Variants in A2ML1 observed in about 807,000 individuals in gnomAD.
A2ML1 encodes the protein alpha-2-macroglobulin-like protein 1.
In A2ML1, 161 loss-of-function variants were observed where a neutral mutation model predicts 181.9. That is an observed-to-expected ratio of 0.89 (90% CI 0.78 to 1.01). The LOEUF is 1.01. Ranked by LOEUF, A2ML1 falls within the 50% of genes least tolerant of loss-of-function variation. The pLI is 0.00. For synonymous variants in A2ML1, 663 were observed against 666.8 expected (o/e 0.99, Z 0.09); for missense variants, 1,670 against 1,768.1 (o/e 0.94, Z 1.00).
intron 33 of A2ML1, among the ~76,000 whole-genome samples, chr12:8,871,839 C>T (rs1392858795): frequency 6.6e-6 from 1 of 152,052 alleles, no homozygotes; most frequent in East Asian, 1.9e-4. Flanking sequence ...CACACACACA[C>T]ACACAATTTT....
At chr12:8,844,945 C>T (rs1943615864) in intron 12 of A2ML1, 1 of 1,294,116 alleles carries the variant, frequency 7.7e-7, no homozygotes, top group Non-Finnish European at 9.9e-7. Context: ...AGTTCTGTTT[C>T]AAGTGAGAGT....
Position 8,852,217 on chromosome 12 carries a change from C to T in A2ML1, c.2471C>T (p.Thr824Ile). The T allele has an allele frequency of 6.2e-7, 1 of 1,614,122 alleles. No individual in the cohort carries two copies. Among genetic ancestry groups the T allele is most frequent in the South Asian group, 1.1e-5 (1 of 91,082 alleles). ...NYLKDCIRVQ[T>I]DLAKSHEYQL... ...CTTAAACATCCTCCGTAGGTTCAGACTGACCTGGCTAAATCGCATGAGTAC... is the reference window on the plus strand; with the variant it reads ...CTTAAACATCCTCCGTAGGTTCAGATTGACCTGGCTAAATCGCATGAGTAC... Residue 824 changes from threonine (T) to isoleucine (I), a missense_variant, in exon 20 of 36, where the codon ACT becomes ATT. By Grantham distance (89) the Thr-to-Ile change is moderately conservative. Transcript: ENST00000299698. This position sits in a 1 kb window ranked among gnomAD's most constrained non-coding sequence, Gnocchi z 4.2.
At chr12:8,883,435 G>A (rs747257232) in intron 7 of A2ML1, among the ~76,000 whole-genome samples, 92 of 152,298 alleles carry the variant, frequency 6.0e-4, no homozygotes, top group Admixed American at 5.9e-3. Flanking sequence ...CCTACAAAAA[G>A]TAACCGGAAG....
At chr12:8,848,134 C>CA (rs755571563) in intron 15 of A2ML1, among the ~76,000 whole-genome samples, 8,479 of 93,268 alleles carry the variant, frequency 0.091, 308 homozygotes, top group Non-Finnish European at 0.13. Context: ...GTCTCAAAAA[C>CA]AAAAAAAAAA....
intron 29 of A2ML1, among the ~76,000 whole-genome samples, chr12:8,866,978 T>C (rs1249082116): frequency 6.6e-6 from 1 of 152,232 alleles, no homozygotes; most frequent in Non-Finnish European, 1.5e-5. Context: ...AGTTCAAATA[T>C]CACTGTACCA....
intron 27 of A2ML1, 42 bp downstream of exon 27, chr12:8,860,997 T>C: frequency 6.2e-7 from 1 of 1,610,898 alleles, no homozygotes; most frequent in Non-Finnish European, 8.5e-7. Context: ...CTCCTTCTCA[T>C]GCGTATTCCT....
chr12:8,875,324 C>A, intron 35 of A2ML1: 1 of 234,102 alleles, frequency 4.3e-6, no homozygotes. Context: ...GTGATCTGCC[C>A]ACCTCGGCCT....
intron 3 of A2ML1, among the ~76,000 whole-genome samples, chr12:8,827,130 G>A (rs1261132894): frequency 6.6e-6 from 1 of 151,966 alleles, no homozygotes; most frequent in African/African-American, 2.4e-5. Context: ...CACCTGAGAT[G>A]AGTATTTCGA....
At position 8,868,408 on chromosome 12, in the gene A2ML1, C is replaced by T. The variant is rs752459562; in HGVS notation, c.4061+51C>T. 8 of 1,605,366 alleles carry T rather than the reference C, an allele frequency of 5.0e-6. No homozygotes were observed. In the African/African-American group the frequency reaches 1.1e-4, roughly 22 times the overall value. On this transcript the variant is annotated intron_variant, in intron 31 of 35. Transcript: ENST00000299698. ...CCGGCAGAGCACCTGGTCATAGGAGCTGAGCTGGGACACTTGTGTGTGTGT... is the reference window on the plus strand; with the variant it reads ...CCGGCAGAGCACCTGGTCATAGGAGTTGAGCTGGGACACTTGTGTGTGTGT...
chr12:8,878,728 C>G (rs1255276925), downstream of A2ML1, among the ~76,000 whole-genome samples: 1 of 152,176 alleles, frequency 6.6e-6, no homozygotes. The surrounding 1 kb of genome is among the most constrained non-coding windows in gnomAD (Gnocchi z 4.4). Context: ...CTTTGGTAGT[C>G]CAAGGTGGGT....
chr12:8,829,886 T>C (rs1943055490), intron 4 of A2ML1, 107 bp downstream of exon 4: 2 of 1,405,602 alleles, frequency 1.4e-6, no homozygotes, highest in Admixed American at 1.8e-5. Context: ...GGCGAGGCCC[T>C]CTGGGTTGGA....
Position 8,823,898 on chromosome 12 carries a change from T to G in A2ML1, c.409+16T>G, listed in dbSNP as rs1469494783. ...GGGCAGCAAGGTAAGAGTCACATAT[T>G]TGGGGTTCGACTAAAACCTGGGGAA... On this transcript the variant is annotated intron_variant, in intron 3 of 35. Transcript: ENST00000299698. 6.2e-7 allele frequency: 1 copy of G among 1,602,218 alleles called. No individual in the cohort carries two copies. Among genetic ancestry groups the G allele is most frequent in the Admixed American group, 1.7e-5 (1 of 58,694 alleles).
intron 7 of A2ML1, among the ~76,000 whole-genome samples, chr12:8,836,962 A>G (rs1809753535): frequency 6.6e-6 from 1 of 152,148 alleles, no homozygotes; most frequent in South Asian, 2.1e-4. Context: ...GGTCTACTCT[A>G]AGACTCTGAG....
In A2ML1 at chr12:8,822,621, G is replaced by C. The variant is rs759408292; in HGVS notation, c.-31G>C. The C allele has an allele frequency of 6.2e-7, 1 of 1,609,724 alleles. No individual in the cohort carries two copies. The highest frequency in any genetic ancestry group is 8.5e-7 in the Non-Finnish European group (1 of 1,176,132). ...GCTACGCGGAGCGATCTCTGCCCCT[G>C]ACCCTGGAAAAATCTGTCTCACCCA... is the stretch of plus-strand genomic sequence containing the variant. On this transcript the variant is annotated 5_prime_UTR_variant, in exon 1 of 36. Coordinates refer to ENST00000299698, the MANE Select transcript of A2ML1 (RefSeq NM_144670.6).
chr12:8,874,325 A>G, intron 33 of A2ML1, 100 bp from the exon 34 acceptor site: 1 of 984,350 alleles, frequency 1.0e-6, no homozygotes, highest in South Asian at 1.5e-5. Context: ...GGGGCTTCAG[A>G]AAATCTACAT....
At chr12:8,822,790 A>T in intron 1 of A2ML1, 77 bp downstream of exon 1, 1 of 1,369,532 alleles carries the variant, frequency 7.3e-7, no homozygotes, top group South Asian at 1.2e-5. Context: ...TTATATGGAG[A>T]TGGGGAGATC....
chr12:8,887,226 G>C (rs2137019558), downstream of A2ML1, among the ~76,000 whole-genome samples: 1 of 152,050 alleles, frequency 6.6e-6, no homozygotes, highest in Non-Finnish European at 1.5e-5. Context: ...TCATAATAAA[G>C]TGGAAAAATT....
intron 32 of A2ML1, 144 bp downstream of exon 32, chr12:8,868,771 T>C: frequency 3.1e-6 from 2 of 652,748 alleles, no homozygotes; most frequent in East Asian, 2.8e-5. Context: ...TGTATGTATA[T>C]GTATGTACAC....
intron 14 of A2ML1, among the ~76,000 whole-genome samples, chr12:8,846,850 A>G (rs1459725391): frequency 6.6e-6 from 1 of 151,094 alleles, no homozygotes; most frequent in East Asian, 1.9e-4. Flanking sequence ...GGTGATGCAT[A>G]CCTGTAGTCC....
Sources: allele counts gnomAD v4.1 joint callset (sites outside exome capture counted in the v4.1 genomes callset), GRCh38; gene constraint gnomAD v4.1.1; non-coding constraint Gnocchi (gnomAD v3.1); transcripts MANE v1.5; gene names NCBI Gene and HGNC (gene_info 2026-07-23, HGNC 2026-07-21).